KAZN: variants seen among roughly 807,000 people sequenced by gnomAD.
KAZN encodes kazrin.
In KAZN, 40 loss-of-function variants were observed where a neutral mutation model predicts 87.4. The observed-to-expected ratio is 0.46, with a 90% CI of 0.36 to 0.60. The LOEUF (loss-of-function observed/expected upper bound fraction) is 0.60, where lower values mean the gene tolerates loss of function less well. Among genes scored for constraint, KAZN ranks in the 20% least tolerant of loss-of-function variants. KAZN has a pLI of 0.00. For synonymous variants in KAZN, 466 were observed against 458.3 expected (o/e 1.02, Z -0.22); for missense variants, 898 against 1,073.9 (o/e 0.84, Z 2.29).
chr1:15,103,010 C>T (rs1641134754), intron 11 of KAZN, among the ~76,000 whole-genome samples: 1 of 152,216 alleles, frequency 6.6e-6, no homozygotes, highest in Admixed American at 6.5e-5. Flanking sequence ...CCTGTAATCC[C>T]AGCACTCTGG....
chr1:14,598,931 C>A lies in KAZN; in HGVS notation c.-67C>A. 6.4e-7 allele frequency: 1 copy of A among 1,554,278 alleles called. No individual in the cohort carries two copies. Among genetic ancestry groups the A allele is most frequent in the Admixed American group, 2.0e-5 (1 of 50,274 alleles). ...AACAGGTAGAGCCGGGGGTGCCCGGCCGCGCGCCCCCCGCGCATCATGCAG... is the reference window on the plus strand; with the variant it reads ...AACAGGTAGAGCCGGGGGTGCCCGGACGCGCGCCCCCCGCGCATCATGCAG... On this transcript the variant is annotated 5_prime_UTR_variant, in exon 1 of 15. Transcript: ENST00000376030. This position sits in a 1 kb window ranked among gnomAD's most constrained non-coding sequence, Gnocchi z 4.2.
chr1:14,358,966 A>G (rs1004876130), intron 2 of KAZN, among the ~76,000 whole-genome samples: 9 of 152,160 alleles, frequency 5.9e-5, no homozygotes, highest in Non-Finnish European at 1.2e-4. Context: ...GCTGAGTTCA[A>G]GTCCTGGATA....
chr1:15,070,118 C>T (rs753671490), intron 8 of KAZN, among the ~76,000 whole-genome samples: 15 of 152,170 alleles, frequency 9.9e-5, no homozygotes, highest in Non-Finnish European at 1.9e-4. Context: ...AGAGTTTGTG[C>T]CCTGAACCAC....
chr1:14,830,235 GAGCCGTAGC>G (rs1045932823), intron 1 of KAZN, among the ~76,000 whole-genome samples: 2 of 152,102 alleles, frequency 1.3e-5, no homozygotes, highest in African/African-American at 2.4e-5. Context: ...GGCTTTCCCT[GAGCCGTAGC>G]AGGTGGCCAT....
intron 2 of KAZN, among the ~76,000 whole-genome samples, chr1:14,211,806 T>G (rs1646858589): frequency 6.6e-6 from 1 of 152,188 alleles, no homozygotes; most frequent in South Asian, 2.1e-4. Context: ...CCACTTGTTA[T>G]AGTTCTTAAC....
chr1:15,068,325 G>A (rs1458323714), intron 8 of KAZN, among the ~76,000 whole-genome samples: 3 of 152,140 alleles, frequency 2.0e-5, no homozygotes, highest in East Asian at 2.0e-4. Context: ...TGGAGGGGCC[G>A]AGCCGGGGTA....
intron 2 of KAZN, among the ~76,000 whole-genome samples, chr1:14,418,607 G>A (rs1295854405): frequency 6.6e-6 from 1 of 152,142 alleles, no homozygotes; most frequent in Non-Finnish European, 1.5e-5. Context: ...AGATAGCAAG[G>A]CTTGTTTTAT....
chr1:14,557,974 T>A, intron 2 of KAZN, among the ~76,000 whole-genome samples: 1 of 152,170 alleles, frequency 6.6e-6, no homozygotes, highest in East Asian at 1.9e-4. Context: ...CCTTTGCAGA[T>A]TTAGCCTGAG....
intron 2 of KAZN, among the ~76,000 whole-genome samples, chr1:14,427,154 T>C (rs1665777054): frequency 6.6e-6 from 1 of 152,210 alleles, no homozygotes; most frequent in Non-Finnish European, 1.5e-5. Context: ...GGAAATGCTT[T>C]TCTAAGGAAG....
At chr1:13,945,718 A>AT (rs1641124132) in intron 1 of KAZN, among the ~76,000 whole-genome samples, 1 of 74,114 alleles carries the variant, frequency 1.3e-5, no homozygotes, top group South Asian at 4.5e-4. Flanking sequence ...TGTGAGAGAG[A>AT]GAGAGAGAGA....
At chr1:14,389,884 G>A (rs567259415) in intron 2 of KAZN, among the ~76,000 whole-genome samples, 16 of 152,244 alleles carry the variant, frequency 1.1e-4, no homozygotes, top group Admixed American at 9.8e-4. Flanking sequence ...TAACACAAAG[G>A]ATAAATGCTG....
At chr1:14,110,341 T>C (rs527915607) in intron 1 of KAZN, among the ~76,000 whole-genome samples, 1 of 152,216 alleles carries the variant, frequency 6.6e-6, no homozygotes, top group Non-Finnish European at 1.5e-5. Context: ...GATATATTAA[T>C]ACACATCCAC....
At chr1:14,432,638 T>A (rs1427187503) in intron 2 of KAZN, among the ~76,000 whole-genome samples, 1 of 152,114 alleles carries the variant, frequency 6.6e-6, no homozygotes, top group Admixed American at 6.5e-5. Flanking sequence ...TGTGCCATGG[T>A]GGTTTGCTGC....
At chr1:14,877,660 T>A (rs1397125906) in intron 1 of KAZN, among the ~76,000 whole-genome samples, 1 of 152,192 alleles carries the variant, frequency 6.6e-6, no homozygotes, top group Non-Finnish European at 1.5e-5. Flanking sequence ...CAAGGTTCTT[T>A]CTCCTCTCTG....
intron 1 of KAZN, among the ~76,000 whole-genome samples, chr1:14,001,387 A>G (rs1420330486): frequency 6.6e-6 from 1 of 152,216 alleles, no homozygotes. Flanking sequence ...TTTCATCCTC[A>G]TGGATAGGAA....
intron 1 of KAZN, among the ~76,000 whole-genome samples, chr1:13,937,116 A>C (rs1371240962): frequency 4.0e-5 from 6 of 148,408 alleles, no homozygotes. Context: ...GTGCAATCTC[A>C]GCTCACCATT....
intron 1 of KAZN, among the ~76,000 whole-genome samples, chr1:14,781,587 G>C (rs1015272603): frequency 6.6e-6 from 1 of 152,208 alleles, no homozygotes; most frequent in South Asian, 2.1e-4. Context: ...GGTCCAGATA[G>C]GAGGGGACCT....
chr1:15,079,419 C>T (rs1446239116), intron 8 of KAZN, among the ~76,000 whole-genome samples: 1 of 151,788 alleles, frequency 6.6e-6, no homozygotes, highest in Non-Finnish European at 1.5e-5. Flanking sequence ...AGATGAAGGA[C>T]CTTTTGTCAC....
intron 1 of KAZN, among the ~76,000 whole-genome samples, chr1:14,777,024 G>A (rs528852001): frequency 6.7e-4 from 102 of 151,854 alleles, no homozygotes; most frequent in Non-Finnish European, 1.1e-3. Flanking sequence ...GTTTTGAGAC[G>A]GAGTCTCGCT....
Sources: gnomAD v4.1 joint callset for allele counts (sites outside exome capture counted in the v4.1 genomes callset) on GRCh38, gnomAD v4.1.1 for gene constraint, Gnocchi (gnomAD v3.1) non-coding constraint, MANE v1.5 for transcripts, NCBI Gene and HGNC (gene_info 2026-07-23, HGNC 2026-07-21) for gene names.